Variants in NRXN3 observed in about 807,000 individuals in gnomAD.
NRXN3 encodes the protein neurexin 3.
Under a neutral mutation model 137.6 loss-of-function variants are expected in NRXN3, and 32 were observed. That is an observed-to-expected ratio of 0.23 (90% confidence interval 0.18 to 0.31). The LOEUF is 0.31. Ranked by LOEUF, NRXN3 falls within the 10% of genes least tolerant of loss-of-function variation. The pLI, the probability that NRXN3 is intolerant of heterozygous loss-of-function variation, is 1.00. For synonymous variants in NRXN3, 798 were observed against 784.5 expected (o/e 1.02, Z -0.29); for missense variants, 1,574 against 2,062.5 (o/e 0.76, Z 4.59).
intron 20 of NRXN3, chr14:79,823,968 G>C: frequency 2.3e-6 from 1 of 431,410 alleles, no homozygotes; most frequent in South Asian, 1.6e-5. Context: ...TCCTGTAAAT[G>C]ACCCATTACC....
intron 15 of NRXN3, among the ~76,000 whole-genome samples, chr14:79,414,792 C>A (rs2597088): frequency 0.76 from 115,458 of 151,900 alleles, 44,136 homozygotes; most frequent in Middle Eastern, 0.87. Flanking sequence ...TCTCCATACT[C>A]TATATTAGGT....
chr14:78,817,593 C>T lies in NRXN3; in HGVS notation c.2275+7249C>T, dbSNP rs1291754741. 2.6e-5 allele frequency among the ~76,000 whole-genome samples: 4 copies of T among 151,978 alleles called. 1 individual carries two copies. Among genetic ancestry groups the T allele is most frequent in the South Asian group, 4.2e-4 (2 of 4,816 alleles). Reference sequence around the variant, plus strand: ...TTCAAGAGCGGGCAGTTGCATTTGGCGAGGGCTTCATGCTGCTTCCACTCA... The same window carrying T: ...TTCAAGAGCGGGCAGTTGCATTTGGTGAGGGCTTCATGCTGCTTCCACTCA... On this transcript the variant is annotated intron_variant, in intron 10 of 20. Coordinates refer to ENST00000335750, the MANE Select transcript of NRXN3 (RefSeq NM_001330195.2).
chr14:79,806,605 A>G (rs2099206282), intron 20 of NRXN3, among the ~76,000 whole-genome samples: 1 of 152,076 alleles, frequency 6.6e-6, no homozygotes, highest in Admixed American at 6.6e-5. Context: ...TCCGAACTAT[A>G]CCAGAACTTG....
At chr14:78,282,343 G>T in intron 3 of NRXN3, 1 of 344,482 alleles carries the variant, frequency 2.9e-6, no homozygotes, top group Admixed American at 3.5e-5. Context: ...AACAATTCTG[G>T]GACCTCTGGG....
At position 78,868,558 on chromosome 14, in the gene NRXN3, G is replaced by A. The variant is rs185306510; in HGVS notation, c.2275+58214G>A. Among the ~76,000 whole-genome samples, 162 of 152,222 alleles carry A rather than the reference G, an allele frequency of 1.1e-3. 1 individual carries two copies. The East Asian group carries it at 0.027, about 25-fold the overall frequency. ...AACATAGGCCAGGGCAGTGGCTCAC[G>A]TCTGTAATCTCAGCACTTTGGGAGG... On this transcript the variant is annotated intron_variant, in intron 10 of 20. Transcript: ENST00000335750.
At chr14:78,786,608 C>T (rs958527290) in intron 8 of NRXN3, among the ~76,000 whole-genome samples, 3 of 152,106 alleles carry the variant, frequency 2.0e-5, no homozygotes, top group Non-Finnish European at 4.4e-5. Flanking sequence ...GTCACCATTC[C>T]TTTGTGTTCT....
chr14:79,051,752 G>A (rs992014612), intron 15 of NRXN3, among the ~76,000 whole-genome samples: 4 of 152,182 alleles, frequency 2.6e-5, no homozygotes, highest in African/African-American at 9.7e-5. Flanking sequence ...GGAAGGGCAA[G>A]GTTTGGAGAG....
intron 17 of NRXN3, among the ~76,000 whole-genome samples, chr14:79,672,889 A>T (rs1354788193): frequency 3.3e-5 from 5 of 152,060 alleles, no homozygotes; most frequent in Non-Finnish European, 7.4e-5. Context: ...GAGTCTCTCT[A>T]GTTATTTAAA....
At position 79,624,791 on chromosome 14, in the gene NRXN3, G is replaced by GTTTT. The variant is rs56285610; in HGVS notation, c.3445-38979_3445-38976dup. 4.4e-4 allele frequency among the ~76,000 whole-genome samples: 53 copies of GTTTT among 121,016 alleles called. 8 individuals are homozygous for GTTTT. Among genetic ancestry groups the GTTTT allele is most frequent in the African/African-American group, 2.0e-3 (50 of 24,906 alleles). 79.4% of individuals were successfully genotyped at this position (121,016 alleles called of 152,430 possible). A position where few individuals can be genotyped will look rare whatever the true frequency, so the allele number is the denominator to read the frequency against. On this transcript the variant is annotated intron_variant, in intron 16 of 20. Coordinates refer to ENST00000335750, the MANE Select transcript of NRXN3 (RefSeq NM_001330195.2). ...CTCTTTCACTCTCTCTTTCTTTCCC[G>GTTTT]TTTTTTTTTTTGTTTGTTTTTGTTT...
At chr14:78,204,241 C>G (rs2061973034) in intron 1 of NRXN3, among the ~76,000 whole-genome samples, 1 of 150,660 alleles carries the variant, frequency 6.6e-6, no homozygotes, top group Non-Finnish European at 1.5e-5. Context: ...ATTAGATAGG[C>G]CTAAAAAAGT....
chr14:79,340,522 A>C (rs907085323), intron 15 of NRXN3, among the ~76,000 whole-genome samples: 3 of 152,124 alleles, frequency 2.0e-5, no homozygotes, highest in Admixed American at 2.0e-4. Context: ...CTGGAGTGCA[A>C]TGGTGCGATA....
intron 4 of NRXN3, among the ~76,000 whole-genome samples, chr14:78,521,441 T>C (rs2096282529): frequency 6.6e-6 from 1 of 152,210 alleles, no homozygotes; most frequent in Non-Finnish European, 1.5e-5. Context: ...TCTTTAATTC[T>C]TTTCTTAAAA....
rs1004883284 is a variant in NRXN3, at chr14:79,467,268, A to T, written c.3310A>T (p.Thr1104Ser). 1.9e-6 allele frequency: 3 copies of T among 1,612,572 alleles called. No individual in the cohort carries two copies. The Admixed American group carries it at 5.0e-5, about 27-fold the overall frequency. The stretch of plus-strand genomic sequence containing the variant: ...GAAAAGTGGTGGGCTTATCCTCTAC[A>T]CCTGGCCAGCCAATGACAGGCCCAG... ...FGKSGGLILY[T>S]WPANDRPSTR... Residue 1104 changes from threonine (T) to serine (S), a missense_variant, in exon 16 of 21, where the codon ACC (threonine) becomes TCC (serine). Coordinates refer to ENST00000335750, the MANE Select transcript of NRXN3 (RefSeq NM_001330195.2).
At chr14:79,844,131 T>C (rs754983302) in intron 20 of NRXN3, among the ~76,000 whole-genome samples, 7 of 152,076 alleles carry the variant, frequency 4.6e-5, no homozygotes, top group Non-Finnish European at 8.8e-5. Context: ...TATACCACTA[T>C]TAAAGTTTTA....
At chr14:78,830,918 AGT>A (rs1380414004) in intron 10 of NRXN3, among the ~76,000 whole-genome samples, 1 of 152,220 alleles carries the variant, frequency 6.6e-6, no homozygotes, top group African/African-American at 2.4e-5. Flanking sequence ...AGTTTTACTG[AGT>A]ATCATCAAAT....
intron 4 of NRXN3, among the ~76,000 whole-genome samples, chr14:78,491,752 G>A (rs1198744628): frequency 6.6e-6 from 1 of 152,036 alleles, no homozygotes; most frequent in Non-Finnish European, 1.5e-5. Flanking sequence ...ACATAGATGT[G>A]GGCGATTCAA....
intron 1 of NRXN3, among the ~76,000 whole-genome samples, chr14:78,195,591 T>C (rs1451940184): frequency 1.3e-5 from 2 of 152,084 alleles, no homozygotes; most frequent in Non-Finnish European, 2.9e-5. Context: ...GGAGATGACA[T>C]CTGAGCTAAG....
intron 4 of NRXN3, chr14:78,403,758 G>A (rs1455749749): frequency 4.1e-6 from 4 of 985,394 alleles, no homozygotes; most frequent in Admixed American, 1.2e-4. Flanking sequence ...CACAGGACTG[G>A]AGGGCTTGAG....
chr14:79,847,976 A>T (rs1290871220), intron 20 of NRXN3, among the ~76,000 whole-genome samples: 1 of 151,752 alleles, frequency 6.6e-6, no homozygotes, highest in Non-Finnish European at 1.5e-5. Flanking sequence ...AAGCTCATTG[A>T]TGCACAGGCT....
Sources: allele counts gnomAD v4.1 joint callset (sites outside exome capture counted in the v4.1 genomes callset), GRCh38; gene constraint gnomAD v4.1.1; transcripts MANE v1.5; gene names NCBI Gene and HGNC (gene_info 2026-07-23, HGNC 2026-07-21).